Variants in MAP2 observed in about 807,000 individuals in gnomAD.
MAP2 encodes the protein microtubule-associated protein 2.
Under a neutral mutation model 137.6 loss-of-function variants are expected in MAP2, and 14 were observed. That is an observed-to-expected ratio of 0.10 (90% CI 0.07 to 0.16). The LOEUF (loss-of-function observed/expected upper bound fraction) is 0.16. Among genes scored for constraint, MAP2 ranks in the 10% least tolerant of loss-of-function variants. MAP2 has a pLI of 1.00. For missense variants in MAP2, 2,088 were observed against 2,191.5 expected (o/e 0.95, Z 0.94); for synonymous variants, 786 against 782.3 (o/e 1.00, Z -0.08).
intron 12 of MAP2, among the ~76,000 whole-genome samples, chr2:209,709,294 G>A (rs2064583642): frequency 6.6e-6 from 1 of 152,086 alleles, no homozygotes; most frequent in South Asian, 2.1e-4. Context: ...GAAGCACTGA[G>A]ATAATTTTCC....
At chr2:209,532,640 G>T (rs1212091403) in intron 2 of MAP2, among the ~76,000 whole-genome samples, 1 of 152,088 alleles carries the variant, frequency 6.6e-6, no homozygotes, top group Non-Finnish European at 1.5e-5. Flanking sequence ...ATGTGGAACT[G>T]GCCGTGTTTC....
At chr2:209,593,212 CTTGTA>C (rs1338702047) in intron 3 of MAP2, among the ~76,000 whole-genome samples, 1 of 151,898 alleles carries the variant, frequency 6.6e-6, no homozygotes, top group Non-Finnish European at 1.5e-5. Context: ...GAGAAAAATA[CTTGTA>C]AGTTCTCTCT....
At chr2:209,558,147 A>G (rs1169049900) in intron 2 of MAP2, among the ~76,000 whole-genome samples, 1 of 152,174 alleles carries the variant, frequency 6.6e-6, no homozygotes, top group African/African-American at 2.4e-5. Context: ...GCATACACAC[A>G]TTCATATATC....
intron 2 of MAP2, among the ~76,000 whole-genome samples, chr2:209,523,906 A>C (rs1409838150): frequency 6.6e-6 from 1 of 152,186 alleles, no homozygotes; most frequent in East Asian, 1.9e-4. Context: ...AGCAGAAATG[A>C]AAAGTTCCGT....
chr2:209,640,317 G>C (rs993555982), intron 4 of MAP2, among the ~76,000 whole-genome samples: 2 of 152,000 alleles, frequency 1.3e-5, no homozygotes, highest in African/African-American at 4.8e-5. Context: ...CCTACTACTT[G>C]ATACACAGAA....
At chr2:209,668,650 T>A (rs1413814663) in intron 5 of MAP2, among the ~76,000 whole-genome samples, 2 of 152,072 alleles carry the variant, frequency 1.3e-5, no homozygotes, top group Non-Finnish European at 2.9e-5. Context: ...TTACCCTTCT[T>A]GCTGTAAAAA....
intron 2 of MAP2, among the ~76,000 whole-genome samples, chr2:209,541,970 AT>A (rs2067129649): frequency 6.6e-6 from 1 of 152,214 alleles, no homozygotes; most frequent in Non-Finnish European, 1.5e-5. Context: ...GGCATCTAGG[AT>A]AGTGAAATTT....
At chr2:209,588,963 T>G (rs954387863) in intron 3 of MAP2, among the ~76,000 whole-genome samples, 2 of 152,164 alleles carry the variant, frequency 1.3e-5, no homozygotes, top group Non-Finnish European at 2.9e-5. Context: ...GGCTGTACTT[T>G]TCCTCTGTAG....
At chr2:209,676,304 C>T (rs2051400497) in intron 5 of MAP2, among the ~76,000 whole-genome samples, 1 of 151,840 alleles carries the variant, frequency 6.6e-6, no homozygotes, top group South Asian at 2.1e-4. Flanking sequence ...ATTGCATGTT[C>T]TCAATTATAA....
At chr2:209,659,587 A>G (rs2042451168) in intron 5 of MAP2, among the ~76,000 whole-genome samples, 2 of 152,216 alleles carry the variant, frequency 1.3e-5, no homozygotes, top group African/African-American at 2.4e-5. Flanking sequence ...ATGATATCAT[A>G]ACTTTATTCC....
chr2:209,590,224 A>T (rs1165334877), intron 3 of MAP2, among the ~76,000 whole-genome samples: 1 of 151,398 alleles, frequency 6.6e-6, no homozygotes, highest in African/African-American at 2.5e-5. Context: ...ACAAACTAGA[A>T]CACCCTTCCT....
chr2:209,449,251 T>A lies in MAP2; in HGVS notation c.-222+24975T>A, dbSNP rs539917260. Among the ~76,000 whole-genome samples, 16 of 152,268 alleles carry A rather than the reference T, an allele frequency of 1.1e-4. No individual in the cohort carries two copies. The South Asian group carries it at 1.2e-3, about 12-fold the overall frequency. Reference sequence around the variant, plus strand: ...CATAGTAGGTGCTTAGCACTTTTTTTAAAAAATTAAAGAAGAAACAATAGA... The same window carrying A: ...CATAGTAGGTGCTTAGCACTTTTTTAAAAAAATTAAAGAAGAAACAATAGA... On this transcript the variant is annotated intron_variant, in intron 1 of 15. Transcript: ENST00000682079.
chr2:209,569,767 C>G (rs2074081595), intron 2 of MAP2, among the ~76,000 whole-genome samples: 1 of 151,776 alleles, frequency 6.6e-6, no homozygotes, highest in Non-Finnish European at 1.5e-5. Flanking sequence ...GTTTAAGATT[C>G]ACCATGATGT....
At chr2:209,589,993 C>A (rs188889718) in intron 3 of MAP2, among the ~76,000 whole-genome samples, 15 of 152,184 alleles carry the variant, frequency 9.9e-5, no homozygotes, top group Admixed American at 7.2e-4. Context: ...AAAATGATGA[C>A]CTCAGGAGCT....
In MAP2 at chr2:209,445,918, A is replaced by G. The variant is rs1253913507; in HGVS notation, c.-222+21642A>G. Among the ~76,000 whole-genome samples the G allele has an allele frequency of 7.2e-5, 11 of 151,730 alleles. 1 individual carries two copies. The Admixed American group carries it at 7.3e-4, about 10-fold the overall frequency. On this transcript the variant is annotated intron_variant, in intron 1 of 15. Transcript: ENST00000682079. ...ACAAAAAGCCACATGTTTTTTGACA[A>G]TCAAAACCTAAGTACCTACACTTCC...
At chr2:209,604,996 TAGTC>T (rs1017617015) in intron 3 of MAP2, among the ~76,000 whole-genome samples, 10 of 152,270 alleles carry the variant, frequency 6.6e-5, no homozygotes, top group South Asian at 4.1e-4. Flanking sequence ...ATTTTAAACA[TAGTC>T]AGTAATTTCT....
At chr2:209,509,006 A>T (rs897050257) in intron 2 of MAP2, among the ~76,000 whole-genome samples, 45 of 152,002 alleles carry the variant, frequency 3.0e-4, no homozygotes, top group Non-Finnish European at 4.3e-4. Context: ...TTTGTAAAGT[A>T]TACATCATTG....
At chr2:209,602,135 A>G (rs896975310) in intron 3 of MAP2, among the ~76,000 whole-genome samples, 1 of 152,182 alleles carries the variant, frequency 6.6e-6, no homozygotes, top group Non-Finnish European at 1.5e-5. Flanking sequence ...AAATCGACCA[A>G]TATGCCTTAG....
At chr2:209,711,249 CT>C (rs985492253) in intron 13 of MAP2, among the ~76,000 whole-genome samples, 5 of 152,126 alleles carry the variant, frequency 3.3e-5, no homozygotes, top group African/African-American at 1.2e-4. Context: ...TTTTGTGCCA[CT>C]GCTTTCTGGT....
Sources: gnomAD v4.1 joint callset for allele counts (sites outside exome capture counted in the v4.1 genomes callset) on GRCh38, gnomAD v4.1.1 for gene constraint, MANE v1.5 for transcripts, NCBI Gene and HGNC (gene_info 2026-07-23, HGNC 2026-07-21) for gene names.